OTOGL: variants seen among roughly 807,000 people sequenced by gnomAD.
OTOGL encodes otogelin like, also known as otogelin-like protein.
A neutral mutation model predicts 318.5 loss-of-function variants in OTOGL; 285 were observed. The ratio of observed to expected loss-of-function variants is 0.89; its 90% CI spans 0.81 to 0.99. The LOEUF is 0.99. Ranked by LOEUF, OTOGL falls within the 50% of genes least tolerant of loss-of-function variation. The pLI is 0.00. For synonymous variants in OTOGL, 987 were observed against 936.5 expected, an observed-to-expected ratio of 1.05 and a Z score of -0.99; for missense variants, 2,899 against 2,845.6, an observed-to-expected ratio of 1.02 and a Z score of -0.43.
At chr12:80,255,477 A>C (rs774042378) in intron 16 of OTOGL, among the ~76,000 whole-genome samples, 23 of 152,012 alleles carry the variant, frequency 1.5e-4, no homozygotes, top group Non-Finnish European at 3.2e-4. Context: ...CTTTTTTAAA[A>C]AGTAGTACGT....
intron 4 of OTOGL, among the ~76,000 whole-genome samples, chr12:80,213,097 A>T (rs919053051): frequency 6.6e-6 from 1 of 152,222 alleles, no homozygotes; most frequent in Non-Finnish European, 1.5e-5. Context: ...TGCTTGACTG[A>T]GTATACTTGT....
rs1639769234 is a variant in OTOGL at position 80,302,684 on chromosome 12, G to A, written c.3114G>A (p.Lys1038=). 1.4e-6 allele frequency: 2 copies of A among 1,429,832 alleles called. No individual in the cohort carries two copies. Among genetic ancestry groups the A allele is most frequent in the Non-Finnish European group, 1.8e-6 (2 of 1,088,468 alleles). The allele number at this position is 1,429,832 out of a possible 1,614,324, so 88.6% of individuals were successfully genotyped here. Residue 1038 remains lysine, a synonymous_variant, in exon 28 of 59, where the codon AAG becomes AAA. Coordinates refer to ENST00000547103, the MANE Select transcript of OTOGL (RefSeq NM_001378609.3). ...LENKSTYQLW[K]AGYYIVVYFP... is the part of the protein sequence containing the mutation. ...ACAAATCTACCTACCAGCTTTGGAA[G>A]GCTGGTTACTATATAGTAGTATACT... is the stretch of plus-strand genomic sequence containing the variant.
Position 80,197,878 on chromosome 12 carries a change from C to A in OTOGL, c.-19-11535C>A, listed in dbSNP as rs965666367. 2.6e-5 allele frequency among the ~76,000 whole-genome samples: 4 copies of A among 152,198 alleles called. No homozygotes were observed. In the East Asian group the frequency reaches 7.7e-4, roughly 29 times the overall value. On this transcript the variant is annotated intron_variant, in intron 1 of 58. Coordinates refer to ENST00000547103, the MANE Select transcript of OTOGL (RefSeq NM_001378609.3). The stretch of plus-strand genomic sequence containing the variant: ...ACTCTATCGTATGAAACCCTAAGAT[C>A]TAGTCCCTCAATCTTTCCTCTTAAT...
chr12:80,140,645 A>G (rs1258477764), intron 1 of OTOGL, among the ~76,000 whole-genome samples: 2 of 152,176 alleles, frequency 1.3e-5, no homozygotes, highest in Non-Finnish European at 1.5e-5. Flanking sequence ...CTCCTCATAT[A>G]TAAAATGTGC....
In OTOGL at chr12:80,206,172, A is replaced by G. The variant is rs558975421; in HGVS notation, c.-19-3241A>G. Among the ~76,000 whole-genome samples, 4 of 152,358 alleles carry G rather than the reference A, an allele frequency of 2.6e-5. No homozygotes were observed. In the East Asian group the frequency reaches 7.7e-4, roughly 29 times the overall value. ...TAAAAGCTGTCAATTACATTTTGAC[A>G]GTAATAATTACATGTAGCAACAGTC... is the stretch of plus-strand genomic sequence containing the variant. On this transcript the variant is annotated intron_variant, in intron 1 of 58. Transcript: ENST00000547103.
intron 1 of OTOGL, among the ~76,000 whole-genome samples, chr12:80,167,490 AAAGT>A (rs1873900587): frequency 6.6e-6 from 1 of 152,218 alleles, no homozygotes; most frequent in South Asian, 2.1e-4. Flanking sequence ...TTCATTAAAC[AAAGT>A]AAGAACTATT....
At chr12:80,233,885 T>A (rs1356434994) in intron 9 of OTOGL, among the ~76,000 whole-genome samples, 1 of 152,212 alleles carries the variant, frequency 6.6e-6, no homozygotes, top group Admixed American at 6.5e-5. Context: ...TTTCTTCAGC[T>A]GTAAAATGGG....
At chr12:80,258,996 A>G (rs1278061342) in intron 18 of OTOGL, among the ~76,000 whole-genome samples, 1 of 152,102 alleles carries the variant, frequency 6.6e-6, no homozygotes, top group Admixed American at 6.6e-5. Context: ...ATGTGAGGTG[A>G]TGCACATGTT....
At chr12:80,132,446 C>G (rs1315253991) in intron 1 of OTOGL, 1 of 151,130 alleles carries the variant, frequency 6.6e-6, no homozygotes, top group African/African-American at 2.4e-5. Context: ...CCTTTTTTTT[C>G]TCTGAAAATG....
intron 1 of OTOGL, among the ~76,000 whole-genome samples, chr12:80,113,750 T>C (rs1238790100): frequency 6.6e-6 from 1 of 152,192 alleles, no homozygotes; most frequent in Non-Finnish European, 1.5e-5. Flanking sequence ...TGTGGGAGTC[T>C]AAGTCTCTTT....
intron 24 of OTOGL, among the ~76,000 whole-genome samples, chr12:80,272,063 A>C (rs188040790): frequency 2.0e-5 from 3 of 152,268 alleles, no homozygotes; most frequent in Admixed American, 2.0e-4. Flanking sequence ...ATGAAACTGC[A>C]ATTTTGAGAA....
intron 1 of OTOGL, among the ~76,000 whole-genome samples, chr12:80,160,877 T>C (rs915782763): frequency 2.0e-5 from 3 of 152,064 alleles, no homozygotes; most frequent in Non-Finnish European, 4.4e-5. Context: ...TTGTGGTATA[T>C]ATACAATGGA....
rs182833736 is a variant in OTOGL, at chr12:80,133,118, A to G, written c.-20+33513A>G. Among the ~76,000 whole-genome samples the G allele has an allele frequency of 1.6e-4, 24 of 152,226 alleles. No individual in the cohort carries two copies. In the East Asian group the frequency reaches 3.9e-3, roughly 24 times the overall value. On this transcript the variant is annotated intron_variant, in intron 1 of 58. Coordinates refer to ENST00000547103, the MANE Select transcript of OTOGL (RefSeq NM_001378609.3). ...TTAGGTCTAGTTACTTCTTCTTGTTATCTTTAAGGAAAACAATCTGAATGT... is the reference window on the plus strand; with the variant it reads ...TTAGGTCTAGTTACTTCTTCTTGTTGTCTTTAAGGAAAACAATCTGAATGT...
At chr12:80,359,622 T>C (rs1283608451) in intron 52 of OTOGL, among the ~76,000 whole-genome samples, 1 of 152,188 alleles carries the variant, frequency 6.6e-6, no homozygotes, top group Non-Finnish European at 1.5e-5. Flanking sequence ...ATGAATGAGG[T>C]ACTTTTTAAA....
At chr12:80,149,162 G>GT (rs1352819959) in intron 1 of OTOGL, among the ~76,000 whole-genome samples, 1 of 152,144 alleles carries the variant, frequency 6.6e-6, no homozygotes, top group Non-Finnish European at 1.5e-5. Flanking sequence ...TTTCTGTTGT[G>GT]TTTTTTCCCC....
intron 26 of OTOGL, among the ~76,000 whole-genome samples, chr12:80,284,994 G>A (rs776742248): frequency 2.0e-5 from 3 of 151,766 alleles, no homozygotes; most frequent in African/African-American, 4.8e-5. Flanking sequence ...TTTTTTCTAG[G>A]GTTTTTATGG....
At chr12:80,345,153 A>G (rs906035820) in intron 44 of OTOGL, among the ~76,000 whole-genome samples, 1 of 134,862 alleles carries the variant, frequency 7.4e-6, no homozygotes, top group Admixed American at 8.1e-5. Flanking sequence ...TATATGTTAT[A>G]TTATATATTA....
intron 1 of OTOGL, among the ~76,000 whole-genome samples, chr12:80,137,993 G>A (rs1473869407): frequency 3.3e-5 from 5 of 152,118 alleles, no homozygotes; most frequent in Admixed American, 6.6e-5. Flanking sequence ...TAAGATTACT[G>A]TATGTTCTGA....
intron 35 of OTOGL, among the ~76,000 whole-genome samples, chr12:80,327,856 G>A (rs895724930): frequency 6.7e-6 from 1 of 149,792 alleles, no homozygotes; most frequent in African/African-American, 2.5e-5. Context: ...CTACTTGGGA[G>A]GCTGAGGCAG....
Sources: gnomAD v4.1 joint callset for allele counts (sites outside exome capture counted in the v4.1 genomes callset) on GRCh38, gnomAD v4.1.1 for gene constraint, MANE v1.5 for transcripts, NCBI Gene and HGNC (gene_info 2026-07-23, HGNC 2026-07-21) for gene names.